The following NR1H4 variants were observed in gnomAD, a reference collection of about 807,000 sequenced individuals.
The protein encoded by NR1H4 is nuclear receptor subfamily 1 group H member 4, also known as bile acid receptor.
NR1H4 carries 23 observed loss-of-function variants against 58.5 expected under a neutral mutation model. The observed-to-expected ratio is 0.39, with a 90% CI of 0.28 to 0.56. NR1H4 has a LOEUF of 0.56. Ranked by LOEUF, NR1H4 falls within the 20% of genes least tolerant of loss-of-function variation. The pLI is 0.58. For missense variants in NR1H4, 487 were observed against 576.9 expected, an observed-to-expected ratio of 0.84 and a Z score of 1.60; for synonymous variants, 214 against 198.0, an observed-to-expected ratio of 1.08 and a Z score of -0.68.
intron 9 of NR1H4, among the ~76,000 whole-genome samples, chr12:100,555,331 G>T (rs1054221422): frequency 1.3e-5 from 2 of 152,038 alleles, no homozygotes; most frequent in African/African-American, 4.8e-5. Context: ...ACATTTTTTT[G>T]AAGATGAAAA....
At position 100,511,157 on chromosome 12, in the gene NR1H4, AT is replaced by A. The variant is rs779956879; in HGVS notation, c.445+16del. The A allele has an allele frequency of 3.0e-5, 48 of 1,614,062 alleles. No homozygotes were observed. In the South Asian group the frequency reaches 3.8e-4, roughly 13 times the overall value. ...AGGGGTGTAAAGGTAAGCATCTTTGATTGGCAGTTTTCTCCTTCAGGTTTTA... is the reference window on the plus strand; with the variant it reads ...AGGGGTGTAAAGGTAAGCATCTTTGATGGCAGTTTTCTCCTTCAGGTTTTA... On this transcript the variant is annotated intron_variant, in intron 4 of 10. Coordinates refer to ENST00000392986, the MANE Select transcript of NR1H4 (RefSeq NM_001206979.2).
chr12:100,557,024 A>T (rs1478373922), intron 9 of NR1H4, among the ~76,000 whole-genome samples: 1 of 151,874 alleles, frequency 6.6e-6, no homozygotes, highest in Non-Finnish European at 1.5e-5. Context: ...TTTTATTTTA[A>T]TTTTTTTTAC....
chr12:100,543,230 G>A (rs539719587), intron 9 of NR1H4, among the ~76,000 whole-genome samples: 6 of 152,242 alleles, frequency 3.9e-5, no homozygotes, highest in South Asian at 4.1e-4. Context: ...TACATTAAAG[G>A]GAAATAGAAA....
chr12:100,504,848 A>C (rs949516156), intron 3 of NR1H4, among the ~76,000 whole-genome samples: 1 of 152,230 alleles, frequency 6.6e-6, no homozygotes, highest in Non-Finnish European at 1.5e-5. Context: ...ATAAGCCTGT[A>C]AACAAAAGAA....
At chr12:100,498,022 G>A (rs1364916217) in intron 3 of NR1H4, among the ~76,000 whole-genome samples, 1 of 152,166 alleles carries the variant, frequency 6.6e-6, no homozygotes, top group Non-Finnish European at 1.5e-5. Context: ...ACTGGGAATG[G>A]AAATAAGGAA....
chr12:100,525,009 A>G (rs1174321871), intron 4 of NR1H4, among the ~76,000 whole-genome samples: 1 of 152,126 alleles, frequency 6.6e-6, no homozygotes, highest in Admixed American at 6.5e-5. Context: ...CAGCCTTTTA[A>G]AGCTTAAACT....
intron 1 of NR1H4, among the ~76,000 whole-genome samples, chr12:100,480,646 C>T (rs528769344): frequency 4.9e-4 from 74 of 152,288 alleles, no homozygotes; most frequent in African/African-American, 2.2e-4. Context: ...TATATGTTAG[C>T]GGTTTTTTTA....
chr12:100,539,180 T>C (rs185454955), intron 8 of NR1H4, among the ~76,000 whole-genome samples: 52 of 152,182 alleles, frequency 3.4e-4, no homozygotes, highest in South Asian at 8.3e-4. Context: ...AATTAGTGTG[T>C]GTTCAATGAG....
intron 8 of NR1H4, among the ~76,000 whole-genome samples, chr12:100,537,912 C>T (rs772465524): frequency 1.3e-5 from 2 of 152,106 alleles, no homozygotes; most frequent in African/African-American, 2.4e-5. Flanking sequence ...TGGGGTTTCA[C>T]CATATTGGAC....
intron 3 of NR1H4, among the ~76,000 whole-genome samples, chr12:100,496,408 G>A (rs1349064156): frequency 6.6e-6 from 1 of 152,074 alleles, no homozygotes; most frequent in East Asian, 1.9e-4. Flanking sequence ...AAGACAAGAA[G>A]CCAGAGAGAA....
chr12:100,548,543 A>T (rs1955133575), intron 9 of NR1H4, among the ~76,000 whole-genome samples: 1 of 152,170 alleles, frequency 6.6e-6, no homozygotes, highest in Non-Finnish European at 1.5e-5. Flanking sequence ...TCACTTGATG[A>T]GACACTTAGC....
chr12:100,561,209 A>G (rs1955463835), intron 9 of NR1H4, among the ~76,000 whole-genome samples: 1 of 151,770 alleles, frequency 6.6e-6, no homozygotes, highest in African/African-American at 2.4e-5. Flanking sequence ...ATCCTGGCTA[A>G]CACGGTGAAA....
chr12:100,541,784 A>T (rs1954941821), intron 9 of NR1H4, among the ~76,000 whole-genome samples: 2 of 151,442 alleles, frequency 1.3e-5, no homozygotes, highest in Admixed American at 1.3e-4. Context: ...TTTAGTAGAG[A>T]CAGGGTTTCA....
Position 100,534,768 on chromosome 12 carries a change from G to T in NR1H4, c.599-122G>T, listed in dbSNP as rs1214923940. On this transcript the variant is annotated intron_variant, in intron 5 of 10. Transcript: ENST00000392986. ...CCTTTCTAAAATGCATAAAAGGCTA[G>T]CGTTAGTTCTGTGCCATTGCATAGG... The T allele has an allele frequency of 4.6e-6, 5 of 1,096,532 alleles. No homozygotes were observed. The African/African-American group carries it at 7.7e-5, about 17-fold the overall frequency. The allele number at this position is 1,096,532 out of a possible 1,614,324, so 67.9% of individuals were successfully genotyped here.
chr12:100,478,909 G>A (rs1953324554), intron 1 of NR1H4, among the ~76,000 whole-genome samples: 1 of 152,146 alleles, frequency 6.6e-6, no homozygotes, highest in Non-Finnish European at 1.5e-5. Context: ...TATTATCAAA[G>A]TTAAAATTTT....
chr12:100,526,555 T>C (rs7303624), intron 4 of NR1H4, among the ~76,000 whole-genome samples: 8,578 of 152,224 alleles, frequency 0.056, 739 homozygotes, highest in African/African-American at 0.19. Flanking sequence ...TGGTCTATGT[T>C]TGAGAATACT....
intron 9 of NR1H4, among the ~76,000 whole-genome samples, chr12:100,559,410 GTGCAGCGCT>G (rs974971431): frequency 4.6e-5 from 7 of 152,336 alleles, no homozygotes; most frequent in Non-Finnish European, 1.0e-4. Flanking sequence ...CCGGGGCTGC[GTGCAGCGCT>G]TGCAGGCCAG....
intron 9 of NR1H4, among the ~76,000 whole-genome samples, chr12:100,548,145 A>C (rs1179652649): frequency 1.3e-5 from 2 of 149,572 alleles, no homozygotes; most frequent in African/African-American, 4.9e-5. Context: ...AGGCGGGTGG[A>C]TCATGAGGTC....
At chr12:100,512,036 T>G (rs1283007940) in intron 4 of NR1H4, among the ~76,000 whole-genome samples, 1 of 151,628 alleles carries the variant, frequency 6.6e-6, no homozygotes, top group Admixed American at 6.6e-5. Context: ...AGTTCGAGAC[T>G]AGATAGAGCA....
Sources: gnomAD v4.1 joint callset for allele counts (sites outside exome capture counted in the v4.1 genomes callset) on GRCh38, gnomAD v4.1.1 for gene constraint, MANE v1.5 for transcripts, NCBI Gene and HGNC (gene_info 2026-07-23, HGNC 2026-07-21) for gene names.